The following SPARC variants were observed in gnomAD, a reference collection of about 807,000 sequenced individuals.
The protein encoded by SPARC is basement-membrane protein 40.
In SPARC, 23 loss-of-function variants were observed where a neutral mutation model predicts 37.7. The ratio of observed to expected loss-of-function variants is 0.61; its 90% CI spans 0.44 to 0.87. SPARC has a LOEUF of 0.87. Ranked by LOEUF, SPARC falls within the 40% of genes least tolerant of loss-of-function variation. The pLI is 0.00. For missense variants in SPARC, 312 were observed against 389.0 expected (o/e 0.80, Z 1.66); for synonymous variants, 155 against 150.8 (o/e 1.03, Z -0.20).
chr5:151,683,468 G>A (rs1033563194), intron 1 of SPARC, among the ~76,000 whole-genome samples: 1 of 152,228 alleles, frequency 6.6e-6, no homozygotes. Flanking sequence ...TCAGACGCCA[G>A]CTTGCTATGT....
intron 1 of SPARC, among the ~76,000 whole-genome samples, chr5:151,683,341 A>G (rs1761042569): frequency 6.6e-6 from 1 of 152,254 alleles, no homozygotes; most frequent in Non-Finnish European, 1.5e-5. Flanking sequence ...AGTGCTGCTC[A>G]CCACTTAGTA....
At position 151,663,487 on chromosome 5, in the gene SPARC, C is replaced by T. The variant is rs2113079543; in HGVS notation, c.*84G>A. The T allele has an allele frequency of 7.4e-7, 1 of 1,355,182 alleles. No individual in the cohort carries two copies. Among genetic ancestry groups the T allele is most frequent in the Non-Finnish European group, 1.1e-6 (1 of 948,140 alleles). The allele number at this position is 1,355,182 out of a possible 1,614,324, so 83.9% of individuals were successfully genotyped here. A position where few individuals can be genotyped will look rare whatever the true frequency, so the allele number is the denominator to read the frequency against. Reference sequence around the variant, plus strand: ...AGCACCTTGTCTCCAGGCAGAACAACAAACCATCCAAACATTTTAAACATT... The same window carrying T: ...AGCACCTTGTCTCCAGGCAGAACAATAAACCATCCAAACATTTTAAACATT... On this transcript the variant is annotated 3_prime_UTR_variant, in exon 10 of 10. Transcript: ENST00000231061.
At position 151,686,899 on chromosome 5, in the gene SPARC, C is replaced by A. The variant is rs562557980; in HGVS notation, c.-48G>T. 1 of 153,206 alleles carries A rather than the reference C, an allele frequency of 6.5e-6. No homozygotes were observed. Among genetic ancestry groups the A allele is most frequent in the South Asian group, 2.1e-4 (1 of 4,832 alleles). The allele number at this position is 153,206 out of a possible 1,614,324, so 9.5% of individuals were successfully genotyped here. On this transcript the variant is annotated 5_prime_UTR_variant, in exon 1 of 10. Coordinates refer to ENST00000231061, the MANE Select transcript of SPARC (RefSeq NM_003118.4). Reference sequence around the variant, plus strand: ...AGGCAGGCAGGCGGCAGGCAGAGCGCGCTCTCCGGGCAGTCTGAAGGACCG... The same window carrying A: ...AGGCAGGCAGGCGGCAGGCAGAGCGAGCTCTCCGGGCAGTCTGAAGGACCG...
chr5:151,666,354 G>T lies in SPARC; in HGVS notation c.734+7C>A, dbSNP rs554772252. 1 of 1,613,324 alleles carries T rather than the reference G, an allele frequency of 6.2e-7. No individual in the cohort carries two copies. Among genetic ancestry groups the T allele is most frequent in the Non-Finnish European group, 8.5e-7 (1 of 1,179,518 alleles). ...AGCTCTGTTCACTCTAGGGTCTGGG[G>T]TCTTACCCGTCAATGGGGTGCTGGT... On this transcript the variant is annotated splice_region_variant and intron_variant, in intron 8 of 9. Coordinates refer to ENST00000231061, the MANE Select transcript of SPARC (RefSeq NM_003118.4).
Position 151,662,511 on chromosome 5 carries a change from T to G in SPARC, c.*1060A>C, listed in dbSNP as rs1240113929. The G allele has an allele frequency of 1.3e-5, 2 of 152,616 alleles. No individual in the cohort carries two copies. The highest frequency in any genetic ancestry group is 4.8e-5 in the African/African-American group (2 of 41,442). The allele number at this position is 152,616 out of a possible 1,614,324, so 9.5% of individuals were successfully genotyped here. A position where few individuals can be genotyped will look rare whatever the true frequency, so the allele number is the denominator to read the frequency against. ...ACATCATGGTGAGAGTTTGTATGAT[T>G]AATAAGAAGCAGCTTTTTCATGAAA... is the stretch of plus-strand genomic sequence containing the variant. On this transcript the variant is annotated 3_prime_UTR_variant, in exon 10 of 10. Coordinates refer to ENST00000231061, the MANE Select transcript of SPARC (RefSeq NM_003118.4).
chr5:151,666,104 T>G (rs1428104699), intron 8 of SPARC, among the ~76,000 whole-genome samples: 1 of 152,208 alleles, frequency 6.6e-6, no homozygotes, highest in Non-Finnish European at 1.5e-5. Context: ...TATCCAGATA[T>G]CCACGCCTAG....
intron 3 of SPARC, among the ~76,000 whole-genome samples, chr5:151,674,167 ACG>A (rs1377761279): frequency 6.6e-6 from 1 of 151,886 alleles, no homozygotes; most frequent in Non-Finnish European, 1.5e-5. Flanking sequence ...ACCCGCCACC[ACG>A]CCCAGCTAAT....
At position 151,674,977 on chromosome 5, in the gene SPARC, C is replaced by A. The variant is rs531404195; in HGVS notation, c.58-303G>T. On this transcript the variant is annotated intron_variant, in intron 2 of 9. Coordinates refer to ENST00000231061, the MANE Select transcript of SPARC (RefSeq NM_003118.4). ...GAATTCTTATAAAGTCTGAAAATCA[C>A]TGATCCAGACCAATTCTTTCACTTT... Among the ~76,000 whole-genome samples, 3 of 152,360 alleles carry A rather than the reference C, an allele frequency of 2.0e-5. 1 individual carries two copies. The East Asian group carries it at 5.8e-4, about 29-fold the overall frequency.
chr5:151,665,584 A>AT (rs1760603221), intron 8 of SPARC, among the ~76,000 whole-genome samples: 1 of 151,994 alleles, frequency 6.6e-6, no homozygotes. Context: ...CGAAGAAAAA[A>AT]CCACTCTGGG....
At chr5:151,672,998 T>TC in intron 4 of SPARC, 131 bp downstream of exon 4, 2 of 719,462 alleles carry the variant, frequency 2.8e-6, no homozygotes, top group Non-Finnish European at 5.1e-6. Flanking sequence ...AAGCCGTGTT[T>TC]CCTTCATAGC....
Position 151,681,566 on chromosome 5 carries a change from A to G in SPARC, c.-14+5299T>C, listed in dbSNP as rs189724685. Among the ~76,000 whole-genome samples the G allele has an allele frequency of 6.0e-4, 92 of 152,368 alleles. 1 individual carries two copies. The highest frequency in any genetic ancestry group is 2.0e-3 in the African/African-American group (85 of 41,594). ...CATGTACTGAACCATGTGAATGAGTATTATCTAGTTAATCAATAAGTGTGA... is the reference window on the plus strand; with the variant it reads ...CATGTACTGAACCATGTGAATGAGTGTTATCTAGTTAATCAATAAGTGTGA... On this transcript the variant is annotated intron_variant, in intron 1 of 9. Transcript: ENST00000231061.
At chr5:151,678,715 G>A (rs747799565) in intron 1 of SPARC, among the ~76,000 whole-genome samples, 1 of 152,186 alleles carries the variant, frequency 6.6e-6, no homozygotes, top group Non-Finnish European at 1.5e-5. Context: ...AAGTGGGAGT[G>A]GGGGAGAAAT....
At chr5:151,682,016 T>C (rs752204104) in intron 1 of SPARC, among the ~76,000 whole-genome samples, 2 of 151,920 alleles carry the variant, frequency 1.3e-5, no homozygotes, top group South Asian at 4.2e-4. Flanking sequence ...AGGAACACAA[T>C]ATGGAACCCT....
intron 8 of SPARC, 96 bp from the exon 9 acceptor site, chr5:151,664,331 G>A: frequency 2.6e-6 from 3 of 1,145,246 alleles, no homozygotes; most frequent in Non-Finnish European, 2.5e-6. Context: ...CCAGAGCATG[G>A]AGGAAAGGAT....
At chr5:151,670,354 A>G (rs1760722250) in intron 5 of SPARC, among the ~76,000 whole-genome samples, 1 of 152,202 alleles carries the variant, frequency 6.6e-6, no homozygotes, top group South Asian at 2.1e-4. Context: ...GGCAAAGGGT[A>G]CCTATGTGAC....
At chr5:151,671,302 C>T (rs1046020771) in intron 5 of SPARC, among the ~76,000 whole-genome samples, 3 of 152,186 alleles carry the variant, frequency 2.0e-5, no homozygotes, top group African/African-American at 7.2e-5. Context: ...TGATTCTTTG[C>T]TGATGCTGTT....
chr5:151,666,609 T>A, intron 7 of SPARC, 100 bp from the exon 8 acceptor site: 1 of 1,072,514 alleles, frequency 9.3e-7, no homozygotes, highest in Non-Finnish European at 1.3e-6. Context: ...AGGCAGAGAC[T>A]AGCCAGACCA....
intron 1 of SPARC, among the ~76,000 whole-genome samples, chr5:151,677,995 C>T (rs999742720): frequency 6.6e-6 from 1 of 152,136 alleles, no homozygotes; most frequent in African/African-American, 2.4e-5. Flanking sequence ...AATCTCCCTT[C>T]TTGCTTCCCC....
intron 6 of SPARC, among the ~76,000 whole-genome samples, chr5:151,668,689 G>A (rs1446614471): frequency 2.0e-5 from 3 of 152,036 alleles, no homozygotes; most frequent in African/African-American, 7.2e-5. Context: ...GAGTTGAAGT[G>A]AGTGGGCAAC....
Sources: gnomAD v4.1 joint callset for allele counts (sites outside exome capture counted in the v4.1 genomes callset) on GRCh38, gnomAD v4.1.1 for gene constraint, MANE v1.5 for transcripts, NCBI Gene and HGNC (gene_info 2026-07-23, HGNC 2026-07-21) for gene names.